The following ME3 variants were observed in gnomAD, a reference collection of about 807,000 sequenced individuals.
ME3 encodes the protein NADP-dependent malic enzyme, mitochondrial.
ME3 carries 48 observed loss-of-function variants against 68.9 expected under a neutral mutation model. The ratio of observed to expected loss-of-function variants is 0.70; its 90% CI spans 0.55 to 0.89. The LOEUF (loss-of-function observed/expected upper bound fraction) is 0.89, where lower values mean the gene tolerates loss of function less well. ME3 is among the 40% of genes least tolerant of loss of function. The pLI is 0.00. For missense variants in ME3, 675 were observed against 797.4 expected (o/e 0.85, Z 1.85); for synonymous variants, 320 against 318.8 (o/e 1.00, Z -0.04).
intron 4 of ME3, among the ~76,000 whole-genome samples, chr11:86,545,294 A>T (rs1956296768): frequency 6.6e-6 from 1 of 152,238 alleles, no homozygotes; most frequent in African/African-American, 2.4e-5. Flanking sequence ...CTCCTATTCA[A>T]CATAGTGTTG....
At chr11:86,501,890 G>A (rs1952749676) in intron 5 of ME3, among the ~76,000 whole-genome samples, 1 of 152,140 alleles carries the variant, frequency 6.6e-6, no homozygotes, top group African/African-American at 2.4e-5. Flanking sequence ...CCACTGCACT[G>A]TTCTCCTAAC....
intron 7 of ME3, among the ~76,000 whole-genome samples, chr11:86,476,244 T>C (rs1344071210): frequency 6.6e-6 from 1 of 151,920 alleles, no homozygotes; most frequent in Non-Finnish European, 1.5e-5. Flanking sequence ...AATGATGAGA[T>C]GGAAACAGCC....
rs541508963 is a variant in ME3 at position 86,460,664 on chromosome 11, A to G, written c.919+4427T>C. Among the ~76,000 whole-genome samples the G allele has an allele frequency of 7.2e-5, 11 of 152,308 alleles. No homozygotes were observed. The East Asian group carries it at 2.1e-3, about 29-fold the overall frequency. ...TGTGATTTGGTTTCTGTTTACAACT[A>G]TGATTCTGCATCGCTTCCTCCTCCT... On this transcript the variant is annotated intron_variant, in intron 8 of 14. Coordinates refer to ENST00000543262, the Ensembl canonical transcript of ME3.
chr11:86,563,595 A>C (rs1253390819), intron 2 of ME3, among the ~76,000 whole-genome samples: 1 of 152,092 alleles, frequency 6.6e-6, no homozygotes, highest in Non-Finnish European at 1.5e-5. Flanking sequence ...TCTTATATTT[A>C]AATCTTAGAT....
intron 8 of ME3, among the ~76,000 whole-genome samples, chr11:86,459,593 C>A (rs1419498373): frequency 6.6e-6 from 1 of 152,154 alleles, no homozygotes; most frequent in Non-Finnish European, 1.5e-5. Context: ...ATAAAAAAAC[C>A]CTGACCATTC....
Position 86,483,239 on chromosome 11 carries a change from A to G in ME3, c.809+4098T>C, listed in dbSNP as rs1951511639. On this transcript the variant is annotated intron_variant, in intron 7 of 14. Transcript: ENST00000543262. The stretch of plus-strand genomic sequence containing the variant: ...AAAGGTAGAAACAAGTGGGATGAGT[A>G]GCAGAGGAGAGATGGAATGGGAGGA... Among the ~76,000 whole-genome samples the G allele has an allele frequency of 2.6e-5, 4 of 152,202 alleles. No individual in the cohort carries two copies. The South Asian group carries it at 8.3e-4, about 32-fold the overall frequency.
chr11:86,555,974 A>T (rs1035847179), intron 4 of ME3, among the ~76,000 whole-genome samples: 4 of 151,958 alleles, frequency 2.6e-5, no homozygotes, highest in East Asian at 3.8e-4. Flanking sequence ...TCTTTTTTTT[A>T]AAACATATAT....
At chr11:86,437,471 A>G (rs928871282), downstream of ME3, among the ~76,000 whole-genome samples, 2 of 152,112 alleles carry the variant, frequency 1.3e-5, no homozygotes, top group Non-Finnish European at 2.9e-5. Flanking sequence ...TACCATAAAC[A>G]TTTTAGAATC....
intron 2 of ME3, among the ~76,000 whole-genome samples, chr11:86,629,605 G>T (rs1038116883): frequency 1.3e-5 from 2 of 152,080 alleles, no homozygotes; most frequent in African/African-American, 4.8e-5. Flanking sequence ...ATATCAGCCA[G>T]TCTACACTGT....
At chr11:86,498,183 T>C in intron 5 of ME3, 59 bp from the exon 6 acceptor site, 1 of 1,545,766 alleles carries the variant, frequency 6.5e-7, no homozygotes, top group South Asian at 1.2e-5. Context: ...AGGGTGCTCA[T>C]TTTAGCAGCC....
chr11:86,552,552 A>T (rs959630097), intron 4 of ME3, among the ~76,000 whole-genome samples: 7 of 152,162 alleles, frequency 4.6e-5, no homozygotes, highest in Admixed American at 4.6e-4. Flanking sequence ...CAATTTAACC[A>T]GAAACCCCTT....
At chr11:86,645,177 G>A (rs1944919949) in intron 2 of ME3, among the ~76,000 whole-genome samples, 1 of 151,998 alleles carries the variant, frequency 6.6e-6, no homozygotes, top group African/African-American at 2.4e-5. Flanking sequence ...TATTTTTTTT[G>A]TAACCTAGTG....
intron 2 of ME3, among the ~76,000 whole-genome samples, chr11:86,565,507 C>T (rs1033581135): frequency 6.6e-6 from 1 of 152,062 alleles, no homozygotes; most frequent in African/African-American, 2.4e-5. Context: ...AATGGATGAA[C>T]AAAATGTATA....
intron 2 of ME3, among the ~76,000 whole-genome samples, chr11:86,648,821 G>T (rs1040851470): frequency 3.9e-5 from 6 of 152,116 alleles, no homozygotes; most frequent in African/African-American, 1.4e-4. Context: ...AATTGAGGCA[G>T]TAATTAATAG....
At chr11:86,660,644 G>A (rs548359773) in intron 2 of ME3, among the ~76,000 whole-genome samples, 2 of 152,082 alleles carry the variant, frequency 1.3e-5, no homozygotes, top group Non-Finnish European at 2.9e-5. Context: ...TATGCCCCTT[G>A]AGGGTGTCAC....
chr11:86,573,743 T>C (rs534176336), intron 2 of ME3, among the ~76,000 whole-genome samples: 2 of 152,220 alleles, frequency 1.3e-5, no homozygotes, highest in African/African-American at 4.8e-5. Context: ...CTTTTGCCCA[T>C]TCAGTATGAT....
At chr11:86,475,874 T>TATATATAGAGAGAGAGAGAG in intron 7 of ME3, among the ~76,000 whole-genome samples, 51 of 91,466 alleles carry the variant, frequency 5.6e-4, no homozygotes, top group South Asian at 1.2e-3. Context: ...TATATATATA[T>TATATATAGAGAGAGAGAGAG]AGAGAGAGAG....
At chr11:86,559,022 C>T (rs573990510) in intron 3 of ME3, among the ~76,000 whole-genome samples, 1 of 152,316 alleles carries the variant, frequency 6.6e-6, no homozygotes, top group Non-Finnish European at 1.5e-5. Context: ...GGAGCCAGGT[C>T]TCTGTGTTCA....
At chr11:86,545,613 T>C (rs1956313910) in intron 4 of ME3, among the ~76,000 whole-genome samples, 1 of 152,106 alleles carries the variant, frequency 6.6e-6, no homozygotes, top group Non-Finnish European at 1.5e-5. Context: ...ACAAGGGATG[T>C]GAAGGACCCA....
Sources: allele counts gnomAD v4.1 joint callset (sites outside exome capture counted in the v4.1 genomes callset), GRCh38; gene constraint gnomAD v4.1.1; transcripts MANE v1.5; gene names NCBI Gene and HGNC (gene_info 2026-07-23, HGNC 2026-07-21).